GNB1: variants seen among roughly 807,000 people sequenced by gnomAD.
GNB1 encodes guanine nucleotide-binding protein G(I)/G(S)/G(T) subunit beta-1.
GNB1 carries 2 observed loss-of-function variants against 42.9 expected under a neutral mutation model. That is an observed-to-expected ratio of 0.05 (90% CI 0.02 to 0.15). GNB1 has a LOEUF of 0.15. GNB1 is among the 10% of genes least tolerant of loss of function. The pLI is 1.00. For missense variants in GNB1, 193 were observed against 462.2 expected, an observed-to-expected ratio of 0.42 and a Z score of 5.34; for synonymous variants, 183 against 174.7, an observed-to-expected ratio of 1.05 and a Z score of -0.38.
At chr1:1,841,331 G>C (rs765479063) in intron 1 of GNB1, among the ~76,000 whole-genome samples, 2 of 152,168 alleles carry the variant, frequency 1.3e-5, no homozygotes, top group Non-Finnish European at 2.9e-5. Context: ...TGGGATTACA[G>C]GCACACGCCA....
intron 1 of GNB1, among the ~76,000 whole-genome samples, chr1:1,868,339 C>T (rs1649057420): frequency 1.3e-5 from 2 of 152,168 alleles, no homozygotes; most frequent in African/African-American, 2.4e-5. Flanking sequence ...CCACATCCAA[C>T]TAATTTTTGT....
At chr1:1,825,268 G>A in intron 3 of GNB1, 129 bp downstream of exon 3, 3 of 730,156 alleles carry the variant, frequency 4.1e-6, no homozygotes, top group South Asian at 3.1e-5. Context: ...AGTACATCCT[G>A]GGCCAACTAA....
intron 1 of GNB1, among the ~76,000 whole-genome samples, chr1:1,888,244 C>G (rs1397810019): frequency 1.3e-5 from 2 of 151,906 alleles, no homozygotes; most frequent in East Asian, 3.9e-4. Context: ...CTATAAGACT[C>G]ATCTTGAAAG....
At chr1:1,854,929 G>A (rs545390444) in intron 1 of GNB1, among the ~76,000 whole-genome samples, 1 of 152,136 alleles carries the variant, frequency 6.6e-6, no homozygotes, top group African/African-American at 2.4e-5. Context: ...GGGAGTCCAA[G>A]GCAGGTGGAT....
chr1:1,816,176 T>C (rs1280988767), intron 4 of GNB1, among the ~76,000 whole-genome samples: 1 of 152,198 alleles, frequency 6.6e-6, no homozygotes, highest in Admixed American at 6.5e-5. Context: ...TCCAGGACCA[T>C]CTCCTCCTAG....
At chr1:1,842,240 C>A (rs1223694320) in intron 1 of GNB1, among the ~76,000 whole-genome samples, 3 of 152,178 alleles carry the variant, frequency 2.0e-5, no homozygotes, top group East Asian at 3.9e-4. Context: ...ACCATCCTGG[C>A]TAACACGGTG....
chr1:1,868,351 T>C (rs993790399), intron 1 of GNB1, among the ~76,000 whole-genome samples: 22 of 152,018 alleles, frequency 1.4e-4, no homozygotes, highest in African/African-American at 5.3e-4. Flanking sequence ...AATTTTTGTA[T>C]TTTTTAGTAG....
intron 1 of GNB1, among the ~76,000 whole-genome samples, chr1:1,886,224 T>C (rs1650148343): frequency 6.6e-6 from 1 of 152,056 alleles, no homozygotes; most frequent in Non-Finnish European, 1.5e-5. Flanking sequence ...AGGCTGAGAC[T>C]GGAGAATCAC....
At chr1:1,829,273 A>C (rs1279027743) in intron 2 of GNB1, among the ~76,000 whole-genome samples, 1 of 152,108 alleles carries the variant, frequency 6.6e-6, no homozygotes, top group African/African-American at 2.4e-5. Flanking sequence ...GCCAGGCTGT[A>C]AGGAACTCCT....
At chr1:1,828,128 G>C (rs1179125048) in intron 2 of GNB1, among the ~76,000 whole-genome samples, 3 of 152,056 alleles carry the variant, frequency 2.0e-5, no homozygotes, top group African/African-American at 7.2e-5. Context: ...TGAGACCAGC[G>C]TGGTTAACAT....
chr1:1,794,263 G>T (rs1646518376), intron 7 of GNB1: 1 of 152,186 alleles, frequency 6.6e-6, no homozygotes, highest in Admixed American at 6.6e-5. Flanking sequence ...TAAGCGTGGT[G>T]GCGGGCACCT....
At position 1,815,732 on chromosome 1, in the gene GNB1, C is replaced by T. The variant is rs139000965; in HGVS notation, c.203+24G>A. The T allele has an allele frequency of 2.4e-3, 2,881 of 1,222,940 alleles. 12 individuals are homozygous for T. Among genetic ancestry groups the T allele is most frequent in the Middle Eastern group, 4.6e-3 (24 of 5,162 alleles). 75.8% of individuals were successfully genotyped at this position (1,222,940 alleles called of 1,614,324 possible). A position where few individuals can be genotyped will look rare whatever the true frequency, so the allele number is the denominator to read the frequency against. On this transcript the variant is annotated intron_variant, in intron 5 of 11. Transcript: ENST00000378609. ...AGCAGCCCCTGAATGTAACAAGCAG[C>T]ATCCTGCTCATGCCCACGCCTACCT...
intron 1 of GNB1, among the ~76,000 whole-genome samples, chr1:1,841,569 C>T (rs1056098365): frequency 2.6e-5 from 4 of 152,218 alleles, no homozygotes; most frequent in Admixed American, 6.5e-5. Flanking sequence ...CACAGGTCAC[C>T]ACCTGCCTAT....
At chr1:1,868,469 C>A (rs1307269364) in intron 1 of GNB1, among the ~76,000 whole-genome samples, 1 of 152,154 alleles carries the variant, frequency 6.6e-6, no homozygotes, top group Non-Finnish European at 1.5e-5. Flanking sequence ...CGTGCCTGGC[C>A]ATGTTTTCCC....
At chr1:1,890,763 G>C (rs1158486125) in intron 1 of GNB1, 57 bp downstream of exon 1, 12 of 148,426 alleles carry the variant, frequency 8.1e-5, no homozygotes, top group Admixed American at 2.0e-4. Context: ...GGCGCCCCCA[G>C]GGCGGGCGGG....
chr1:1,798,421 T>C (rs1447661943), intron 7 of GNB1, among the ~76,000 whole-genome samples: 2 of 152,258 alleles, frequency 1.3e-5, no homozygotes, highest in Admixed American at 6.5e-5. Flanking sequence ...CTTCTCACTA[T>C]ATGAAGACAC....
At chr1:1,844,086 T>C (rs1003171776) in intron 1 of GNB1, among the ~76,000 whole-genome samples, 6 of 151,724 alleles carry the variant, frequency 4.0e-5, no homozygotes, top group African/African-American at 1.5e-4. Flanking sequence ...TCCCAGCTAC[T>C]TGGGAGGGTG....
intron 1 of GNB1, among the ~76,000 whole-genome samples, chr1:1,889,022 A>G (rs2101969435): frequency 6.6e-6 from 1 of 152,334 alleles, no homozygotes; most frequent in South Asian, 2.1e-4. Flanking sequence ...ACCTTCCCAA[A>G]GAATCCAGAA....
chr1:1,859,313 C>T lies in GNB1; in HGVS notation c.-95-20075G>A, dbSNP rs1003761784. On this transcript the variant is annotated intron_variant, in intron 1 of 11. Coordinates refer to ENST00000378609, the MANE Select transcript of GNB1 (RefSeq NM_002074.5). ...CTGGGCTTACAGGCGTGAGCCACCA[C>T]GCCCCGACGGGGATTAGTTTTCAAA... Among the ~76,000 whole-genome samples the T allele has an allele frequency of 1.2e-4, 19 of 152,112 alleles. 1 individual carries two copies. The highest frequency in any genetic ancestry group is 7.2e-4 in the Admixed American group (11 of 15,276).
Sources: gnomAD v4.1 joint callset for allele counts (sites outside exome capture counted in the v4.1 genomes callset) on GRCh38, gnomAD v4.1.1 for gene constraint, MANE v1.5 for transcripts, NCBI Gene and HGNC (gene_info 2026-07-23, HGNC 2026-07-21) for gene names.